LRMDA: variants seen among roughly 807,000 people sequenced by gnomAD.
The protein encoded by LRMDA is leucine rich melanocyte differentiation associated.
Under a neutral mutation model 29.8 loss-of-function variants are expected in LRMDA, and 18 were observed. That is an observed-to-expected ratio of 0.60 (90% CI 0.42 to 0.90). The LOEUF (loss-of-function observed/expected upper bound fraction) is 0.90. LRMDA is among the 40% of genes least tolerant of loss of function. The pLI is 0.00. For missense variants in LRMDA, 273 were observed against 273.9 expected, an observed-to-expected ratio of 1.00 and a Z score of 0.02; for synonymous variants, 125 against 109.4, an observed-to-expected ratio of 1.14 and a Z score of -0.89.
At chr10:76,546,648 C>G (rs927483646) in intron 6 of LRMDA, among the ~76,000 whole-genome samples, 3 of 152,158 alleles carry the variant, frequency 2.0e-5, no homozygotes, top group African/African-American at 7.2e-5. Flanking sequence ...GTTTCCCCTG[C>G]CTAGAAGGCC....
chr10:75,583,417 A>G (rs891449872), intron 2 of LRMDA, among the ~76,000 whole-genome samples: 5 of 152,154 alleles, frequency 3.3e-5, no homozygotes, highest in Non-Finnish European at 5.9e-5. Flanking sequence ...AGAATTTCAC[A>G]TGGCTGGGAG....
intron 2 of LRMDA, among the ~76,000 whole-genome samples, chr10:75,740,568 G>A (rs2132208894): frequency 6.6e-6 from 1 of 152,282 alleles, no homozygotes; most frequent in African/African-American, 2.4e-5. Context: ...AAGTGCTAGA[G>A]TCATTGGCTT....
At chr10:76,472,622 G>T (rs1842629206) in intron 6 of LRMDA, among the ~76,000 whole-genome samples, 1 of 151,264 alleles carries the variant, frequency 6.6e-6, no homozygotes, top group Non-Finnish European at 1.5e-5. Flanking sequence ...TCTTTAAAAG[G>T]ATCAACAAAA....
intron 2 of LRMDA, among the ~76,000 whole-genome samples, chr10:75,864,416 C>T (rs1054243598): frequency 2.0e-5 from 3 of 152,176 alleles, no homozygotes; most frequent in Non-Finnish European, 2.9e-5. Context: ...TCCCAAGACA[C>T]AGAGGCCTAG....
At chr10:75,888,236 C>T (rs1330882941) in intron 2 of LRMDA, among the ~76,000 whole-genome samples, 1 of 152,214 alleles carries the variant, frequency 6.6e-6, no homozygotes, top group Non-Finnish European at 1.5e-5. Context: ...AGAGAGAGTT[C>T]TGAGAGCTGC....
intron 2 of LRMDA, among the ~76,000 whole-genome samples, chr10:75,828,116 T>C (rs893997247): frequency 6.6e-6 from 1 of 152,212 alleles, no homozygotes; most frequent in African/African-American, 2.4e-5. Context: ...CTTTGAAACC[T>C]GCCCAAACTT....
intron 2 of LRMDA, among the ~76,000 whole-genome samples, chr10:76,026,522 C>T (rs937518529): frequency 2.6e-5 from 4 of 152,198 alleles, no homozygotes; most frequent in African/African-American, 7.2e-5. Context: ...AGAGCTGTAG[C>T]TCTAATATGT....
chr10:75,483,418 T>C (rs1844874447), intron 2 of LRMDA, among the ~76,000 whole-genome samples: 1 of 152,222 alleles, frequency 6.6e-6, no homozygotes. Context: ...CCATAGAATT[T>C]AATATCTCTG....
At chr10:75,532,478 T>C (rs564699206) in intron 2 of LRMDA, among the ~76,000 whole-genome samples, 4 of 152,164 alleles carry the variant, frequency 2.6e-5, no homozygotes, top group Admixed American at 6.5e-5. Flanking sequence ...TTTTCTGCTG[T>C]TGGGAGAGAC....
intron 6 of LRMDA, chr10:76,403,109 C>T (rs1410259631): frequency 6.6e-6 from 1 of 151,670 alleles, no homozygotes; most frequent in Non-Finnish European, 1.5e-5. Flanking sequence ...CCTGTGCTCC[C>T]CAGATAGCTC....
chr10:76,461,532 G>T (rs1268735914), intron 6 of LRMDA, among the ~76,000 whole-genome samples: 1 of 152,128 alleles, frequency 6.6e-6, no homozygotes, highest in African/African-American at 2.4e-5. Context: ...GTTCTTCCCC[G>T]TAGGTAGAGT....
At chr10:76,369,422 G>A (rs1345649397) in intron 6 of LRMDA, among the ~76,000 whole-genome samples, 3 of 152,100 alleles carry the variant, frequency 2.0e-5, no homozygotes, top group Non-Finnish European at 2.9e-5. Context: ...TTTGTTTGAG[G>A]AGCCTGAAGA....
chr10:76,299,527 C>G (rs888705183), intron 5 of LRMDA, among the ~76,000 whole-genome samples: 8 of 151,966 alleles, frequency 5.3e-5, no homozygotes. Flanking sequence ...TGCTCCCTTC[C>G]CTTTTTATAC....
rs71028203 is a variant in LRMDA at position 76,543,316 on chromosome 10, C to CTGTG, written c.602-13851_602-13848dup. Among the ~76,000 whole-genome samples the CTGTG allele has an allele frequency of 4.4e-3, 634 of 144,206 alleles. 3 individuals are homozygous for CTGTG. Among genetic ancestry groups the CTGTG allele is most frequent in the Middle Eastern group, 0.018 (5 of 272 alleles). The allele number at this position is 144,206 out of a possible 152,430, so 94.6% of individuals were successfully genotyped here. ...GAATTTAGTTGTTATTGGGGTGTGCCTGTGTGTGTGTGTGTGTGTGTGTGT... is the reference window on the plus strand; with the variant it reads ...GAATTTAGTTGTTATTGGGGTGTGCCTGTGTGTGTGTGTGTGTGTGTGTGTGTGT... On this transcript the variant is annotated intron_variant, in intron 6 of 6. Transcript: ENST00000611255.
intron 2 of LRMDA, among the ~76,000 whole-genome samples, chr10:75,906,722 T>C (rs921617898): frequency 3.3e-5 from 5 of 152,248 alleles, no homozygotes; most frequent in Non-Finnish European, 7.3e-5. Context: ...CGGAGTGCGC[T>C]CATTACTGGC....
At chr10:76,205,464 T>G (rs778656506) in intron 5 of LRMDA, among the ~76,000 whole-genome samples, 31 of 152,148 alleles carry the variant, frequency 2.0e-4, no homozygotes, top group Admixed American at 3.9e-4. Context: ...TGTCTGAAAC[T>G]GGAAATCCAA....
chr10:75,526,494 C>T (rs1261123164), intron 2 of LRMDA, among the ~76,000 whole-genome samples: 1 of 152,054 alleles, frequency 6.6e-6, no homozygotes, highest in Non-Finnish European at 1.5e-5. Context: ...GAGGCATATA[C>T]TCACAAGATG....
At chr10:76,478,537 C>T (rs1451319603) in intron 6 of LRMDA, among the ~76,000 whole-genome samples, 2 of 152,022 alleles carry the variant, frequency 1.3e-5, no homozygotes, top group South Asian at 2.1e-4. Flanking sequence ...CCCAGCCATC[C>T]CATTACTGGG....
In LRMDA at chr10:76,120,189, ATT is replaced by A. The variant is rs35999168; in HGVS notation, c.516+61422_516+61423del. 1.5e-3 allele frequency among the ~76,000 whole-genome samples: 196 copies of A among 133,102 alleles called. 1 individual carries two copies. Among genetic ancestry groups the A allele is most frequent in the East Asian group, 0.011 (46 of 4,234 alleles). 87.3% of individuals were successfully genotyped at this position (133,102 alleles called of 152,430 possible). On this transcript the variant is annotated intron_variant, in intron 5 of 6. Coordinates refer to ENST00000611255, the MANE Select transcript of LRMDA (RefSeq NM_001305581.2). ...GTGACATGTCTACAGGTATGTGTTG[ATT>A]TTTTTTTTTTTTTTTGAGACAGAGT...
Sources: gnomAD v4.1 joint callset for allele counts (sites outside exome capture counted in the v4.1 genomes callset) on GRCh38, gnomAD v4.1.1 for gene constraint, MANE v1.5 for transcripts, NCBI Gene and HGNC (gene_info 2026-07-23, HGNC 2026-07-21) for gene names.